The following NMT1 variants were observed in gnomAD, a reference collection of about 807,000 sequenced individuals.
The protein encoded by NMT1 is glycylpeptide N-tetradecanoyltransferase 1.
A neutral mutation model predicts 63.4 loss-of-function variants in NMT1; 12 were observed. The observed-to-expected ratio is 0.19, with a 90% confidence interval of 0.12 to 0.31. The LOEUF is 0.31. Ranked by LOEUF, NMT1 falls within the 10% of genes least tolerant of loss-of-function variation. The pLI is 1.00. For missense variants in NMT1, 432 were observed against 634.6 expected, an observed-to-expected ratio of 0.68 and a Z score of 3.43; for synonymous variants, 228 against 234.3, an observed-to-expected ratio of 0.97 and a Z score of 0.25.
rs1416691571 is a variant in NMT1 at position 45,086,581 on chromosome 17, C to T, written c.314C>T (p.Pro105Leu). 6.2e-7 allele frequency: 1 copy of T among 1,613,558 alleles called. No individual in the cohort carries two copies. The highest frequency in any genetic ancestry group is 1.3e-5 in the African/African-American group (1 of 74,904). The stretch of plus-strand genomic sequence containing the variant: ...GAGCTGTTCTCAGTGGGTCAGGGAC[C>T]TGCCAAAACCATGGAGGAGGCTAGC... Reference protein sequence around the residue: ...AIELFSVGQGPAKTMEEASKR... With the variant: ...AIELFSVGQGLAKTMEEASKR... The change falls in exon 3 of 12, where the codon CCT becomes CTT. Residue 105 changes from proline to leucine, a missense_variant. Pro to Leu is a moderately conservative substitution (Grantham distance 98). Transcript: ENST00000258960.
At chr17:45,095,939 G>A in intron 4 of NMT1, among the ~76,000 whole-genome samples, 1 of 152,184 alleles carries the variant, frequency 6.6e-6, no homozygotes, top group East Asian at 1.9e-4. Context: ...TGATGGCGCA[G>A]AATGATGAAG....
chr17:45,089,629 C>T (rs964061566), intron 3 of NMT1, among the ~76,000 whole-genome samples: 2 of 150,620 alleles, frequency 1.3e-5, no homozygotes, highest in South Asian at 2.1e-4. Flanking sequence ...CATGAGCTAC[C>T]GCACCCGGCC....
In NMT1 at chr17:45,108,627, CA is replaced by C. The variant is rs1460229676; in HGVS notation, c.*2989del. Reference sequence around the variant, plus strand: ...GAAGGAGGGGAACCAGATGTTAGATCAGGGGAGGGAGCAGGAGTGTCCCTCC... The same window carrying C: ...GAAGGAGGGGAACCAGATGTTAGATCGGGGAGGGAGCAGGAGTGTCCCTCC... On this transcript the variant is annotated 3_prime_UTR_variant, in exon 12 of 12. Coordinates refer to ENST00000258960, the MANE Select transcript of NMT1 (RefSeq NM_021079.5). 3 of 152,636 alleles carry C rather than the reference CA, an allele frequency of 2.0e-5. No individual in the cohort carries two copies. The highest frequency in any genetic ancestry group is 7.2e-5 in the African/African-American group (3 of 41,426). 9.5% of individuals were successfully genotyped at this position (152,636 alleles called of 1,614,324 possible).
chr17:45,081,511 G>GCA (rs2054017114), intron 1 of NMT1, 133 bp from the exon 2 acceptor site: 1 of 761,334 alleles, frequency 1.3e-6, no homozygotes, highest in South Asian at 1.8e-5. Context: ...TTCTGGACCT[G>GCA]GGTTCTTCAG....
chr17:45,106,052 C>G lies in NMT1; in HGVS notation c.*413C>G, dbSNP rs16939858. 6.6e-6 allele frequency: 1 copy of G among 151,740 alleles called. No individual in the cohort carries two copies. Among genetic ancestry groups the G allele is most frequent in the African/African-American group, 2.4e-5 (1 of 41,234 alleles). 9.4% of individuals were successfully genotyped at this position (151,740 alleles called of 1,614,324 possible). ...TTGGTCTTTAATGAAAAGCTGAATC[C>G]AGATCATTCCTCAGAATGAGGACCC... is the stretch of plus-strand genomic sequence containing the variant. On this transcript the variant is annotated 3_prime_UTR_variant, in exon 12 of 12. Coordinates refer to ENST00000258960, the MANE Select transcript of NMT1 (RefSeq NM_021079.5).
chr17:45,069,322 C>T (rs528600655), intron 1 of NMT1, among the ~76,000 whole-genome samples: 68 of 142,490 alleles, frequency 4.8e-4, no homozygotes, highest in East Asian at 1.9e-3. Flanking sequence ...GACAGAGTCT[C>T]GCTCTGTTGC....
At chr17:45,095,019 G>A (rs1397507571) in intron 4 of NMT1, among the ~76,000 whole-genome samples, 1 of 150,814 alleles carries the variant, frequency 6.6e-6, no homozygotes, top group Non-Finnish European at 1.5e-5. Flanking sequence ...CACTGTGTTG[G>A]CCAGTCTGGT....
chr17:45,072,272 G>A (rs1203173002), intron 1 of NMT1, among the ~76,000 whole-genome samples: 5 of 150,142 alleles, frequency 3.3e-5, no homozygotes, highest in East Asian at 2.0e-4. Flanking sequence ...AAAAAACTCA[G>A]TATTTTTTTA....
At chr17:45,066,431 T>G (rs1308173691) in intron 1 of NMT1, among the ~76,000 whole-genome samples, 3 of 152,122 alleles carry the variant, frequency 2.0e-5, no homozygotes, top group African/African-American at 7.2e-5. Context: ...TCCTCCGTAA[T>G]TAAATCAGCA....
chr17:45,061,797 G>A (rs1350240491), intron 1 of NMT1: 1 of 187,970 alleles, frequency 5.3e-6, no homozygotes, highest in Non-Finnish European at 1.1e-5. Context: ...ACAGTTCAAA[G>A]GGAACGTTAC....
intron 4 of NMT1, 124 bp from the exon 5 acceptor site, chr17:45,096,070 G>C: frequency 1.4e-6 from 1 of 709,680 alleles, no homozygotes; most frequent in Non-Finnish European, 2.5e-6. Context: ...AGAAGGATTT[G>C]TGAGACTCCA....
intron 1 of NMT1, among the ~76,000 whole-genome samples, chr17:45,064,114 G>A (rs999719018): frequency 1.3e-5 from 2 of 152,202 alleles, no homozygotes; most frequent in Admixed American, 1.3e-4. Flanking sequence ...GAACCCGGGA[G>A]GCGGAGGTTG....
intron 1 of NMT1, among the ~76,000 whole-genome samples, chr17:45,062,214 A>G (rs1024215641): frequency 6.6e-6 from 1 of 152,174 alleles, no homozygotes. Context: ...GCCATTAGTT[A>G]CTATTTGTTC....
chr17:45,093,526 G>A, intron 3 of NMT1, 159 bp from the exon 4 acceptor site: 2 of 601,080 alleles, frequency 3.3e-6, no homozygotes, highest in Non-Finnish European at 5.9e-6. Context: ...GGGGCTAAGG[G>A]TAGCTGGAAA....
rs2054180505 is a variant in NMT1 at position 45,103,353 on chromosome 17, A to G, written c.1164+232A>G. On this transcript the variant is annotated intron_variant, in intron 9 of 11. Transcript: ENST00000258960. This position sits in a 1 kb window ranked among gnomAD's most constrained non-coding sequence, Gnocchi z 4.8. ...CACTTTGATAACACAAAATAGAGAGAACTGAGCCCCGCTTAATCCTTCAGG... is the reference window on the plus strand; with the variant it reads ...CACTTTGATAACACAAAATAGAGAGGACTGAGCCCCGCTTAATCCTTCAGG... Among the ~76,000 whole-genome samples the G allele has an allele frequency of 6.6e-6, 1 of 152,114 alleles. No individual in the cohort carries two copies. The highest frequency in any genetic ancestry group is 2.1e-4 in the South Asian group (1 of 4,830).
intron 1 of NMT1, among the ~76,000 whole-genome samples, chr17:45,076,624 C>T (rs1276952605): frequency 6.6e-6 from 1 of 151,728 alleles, no homozygotes. Context: ...ATGGCACATG[C>T]TTATAATCCC....
chr17:45,080,216 C>T (rs1016823090), intron 1 of NMT1, among the ~76,000 whole-genome samples: 2 of 151,072 alleles, frequency 1.3e-5, no homozygotes, highest in African/African-American at 2.4e-5. Context: ...GCTGGAGTGC[C>T]GTGGCGCGAT....
At position 45,108,935 on chromosome 17, in the gene NMT1, G is replaced by C. The variant is rs2054222121; in HGVS notation, c.*3296G>C. On this transcript the variant is annotated 3_prime_UTR_variant, in exon 12 of 12. Coordinates refer to ENST00000258960, the MANE Select transcript of NMT1 (RefSeq NM_021079.5). Reference sequence around the variant, plus strand: ...CTGTGGGGGGGCATCCATTTCCAGGGTCGGGGAGGAAATACCAAATGCATT... The same window carrying C: ...CTGTGGGGGGGCATCCATTTCCAGGCTCGGGGAGGAAATACCAAATGCATT... 6.6e-6 allele frequency: 1 copy of C among 152,616 alleles called. No homozygotes were observed. 9.5% of individuals were successfully genotyped at this position (152,616 alleles called of 1,614,324 possible). A position where few individuals can be genotyped will look rare whatever the true frequency, so the allele number is the denominator to read the frequency against.
intron 1 of NMT1, among the ~76,000 whole-genome samples, chr17:45,077,579 A>G (rs1449531748): frequency 2.6e-5 from 4 of 152,136 alleles, no homozygotes; most frequent in African/African-American, 7.2e-5. Context: ...TAGTAGAGAC[A>G]GGGTTTCTCC....
Sources: gnomAD v4.1 joint callset for allele counts (sites outside exome capture counted in the v4.1 genomes callset) on GRCh38, gnomAD v4.1.1 for gene constraint, Gnocchi (gnomAD v3.1) non-coding constraint, MANE v1.5 for transcripts, NCBI Gene and HGNC (gene_info 2026-07-23, HGNC 2026-07-21) for gene names.